FYB2: variants seen among roughly 807,000 people sequenced by gnomAD.
FYB2 encodes FYN binding protein 2, also known as FYN-binding protein 2.
In FYB2, 103 loss-of-function variants were observed where a neutral mutation model predicts 94.1. The ratio of observed to expected loss-of-function variants is 1.09; its 90% CI spans 0.93 to 1.29. FYB2 has a LOEUF of 1.29. Among genes scored for constraint, FYB2 ranks in the 50% most tolerant of loss-of-function variants. The pLI, the probability that FYB2 is intolerant of heterozygous loss-of-function variation, is 0.00. For synonymous variants in FYB2, 293 were observed against 287.9 expected, an observed-to-expected ratio of 1.02 and a Z score of -0.18; for missense variants, 896 against 841.5, an observed-to-expected ratio of 1.06 and a Z score of -0.80.
intron 8 of FYB2, among the ~76,000 whole-genome samples, chr1:56,752,098 G>C (rs1339601047): frequency 6.6e-6 from 1 of 152,032 alleles, no homozygotes; most frequent in Non-Finnish European, 1.5e-5. Context: ...GTAGCAAGGA[G>C]GCTGCTGATA....
At position 56,767,885 on chromosome 1, in the gene FYB2, T is replaced by C. The variant is rs573252882; in HGVS notation, c.1007A>G (p.Tyr336Cys). Reference protein sequence around the residue: ...EPHNYEATISYLRHSGNSINL... With the variant: ...EPHNYEATISCLRHSGNSINL... ...AATGGAGTTGCCAGAGTGTCTCAGA[T>C]ATGAAATTGTTGCCTCGTAATTATG... Residue 336 changes from tyrosine to cysteine, a missense_variant, in exon 5 of 20, where the codon TAT (tyrosine) becomes TGT (cysteine). Transcript: ENST00000343433. 2 of 1,612,444 alleles carry C rather than the reference T, an allele frequency of 1.2e-6. No individual in the cohort carries two copies. The highest frequency in any genetic ancestry group is 1.7e-5 in the Admixed American group (1 of 59,510).
At chr1:56,753,958 G>GA (rs11404547) in intron 7 of FYB2, 23 bp from the exon 8 acceptor site, 984,595 of 1,416,226 alleles carry the variant, frequency 0.7, 349,629 homozygotes, top group African/African-American at 0.94. Flanking sequence ...GAGATACCAG[G>GA]AAAAAAATGA....
At chr1:56,818,479 C>T (rs1245650365) in intron 1 of FYB2, among the ~76,000 whole-genome samples, 1 of 150,820 alleles carries the variant, frequency 6.6e-6, no homozygotes, top group Non-Finnish European at 1.5e-5. Context: ...CACACACACA[C>T]ACACACACAC....
intron 15 of FYB2, among the ~76,000 whole-genome samples, chr1:56,728,177 AT>A (rs1281890206): frequency 1.3e-5 from 2 of 152,046 alleles, no homozygotes; most frequent in African/African-American, 4.8e-5. Context: ...AGTGTTTTCC[AT>A]TTACAGTTGT....
At chr1:56,800,213 C>T (rs994021264) in intron 1 of FYB2, among the ~76,000 whole-genome samples, 8 of 152,150 alleles carry the variant, frequency 5.3e-5, no homozygotes, top group Admixed American at 1.3e-4. Context: ...GCAGTAGTAA[C>T]TGTCAAATCC....
At chr1:56,732,927 A>G (rs550735936) in intron 15 of FYB2, among the ~76,000 whole-genome samples, 5 of 152,180 alleles carry the variant, frequency 3.3e-5, no homozygotes, top group Admixed American at 1.3e-4. Flanking sequence ...GTCTAGGAAA[A>G]GGTTTTATGA....
chr1:56,721,173 A>G (rs1419641520), intron 17 of FYB2, among the ~76,000 whole-genome samples: 1 of 152,076 alleles, frequency 6.6e-6, no homozygotes, highest in Non-Finnish European at 1.5e-5. Context: ...AAACTGACCT[A>G]TACATCTGCA....
rs77435341 is a variant in FYB2 at position 56,817,891 on chromosome 1, G to T, written c.9+1391C>A. 8.9e-4 allele frequency among the ~76,000 whole-genome samples: 135 copies of T among 152,224 alleles called. 2 individuals carry two copies. In the East Asian group the frequency reaches 0.013, roughly 14 times the overall value. On this transcript the variant is annotated intron_variant, in intron 1 of 19. Transcript: ENST00000343433. Reference sequence around the variant, plus strand: ...GCTAGCGATGCTTGGCTTATAGTTGGCACTGACACATGTAAGCTCATGTCC... The same window carrying T: ...GCTAGCGATGCTTGGCTTATAGTTGTCACTGACACATGTAAGCTCATGTCC...
chr1:56,751,705 A>T (rs933901843), intron 8 of FYB2, among the ~76,000 whole-genome samples: 3 of 151,730 alleles, frequency 2.0e-5, no homozygotes, highest in African/African-American at 7.3e-5. Flanking sequence ...GTTCCTTCTC[A>T]CTTCTTTCTT....
At chr1:56,773,903 T>A (rs1335716459) in intron 4 of FYB2, among the ~76,000 whole-genome samples, 1 of 152,150 alleles carries the variant, frequency 6.6e-6, no homozygotes. Context: ...ATCTGATTTC[T>A]CAATTGTCCA....
At chr1:56,775,348 T>C (rs1367557397) in intron 4 of FYB2, among the ~76,000 whole-genome samples, 1 of 152,116 alleles carries the variant, frequency 6.6e-6, no homozygotes. Context: ...AAGTAAATGT[T>C]ATTAAAGTGC....
intron 4 of FYB2, among the ~76,000 whole-genome samples, chr1:56,782,900 T>C (rs918281243): frequency 6.6e-6 from 1 of 152,134 alleles, no homozygotes. Context: ...TATTTATAGC[T>C]AATGAATAAA....
chr1:56,764,326 G>T (rs535327705), intron 5 of FYB2, among the ~76,000 whole-genome samples: 1 of 152,014 alleles, frequency 6.6e-6, no homozygotes, highest in Non-Finnish European at 1.5e-5. Context: ...AGTCATGCAC[G>T]CCTTCTCTTC....
intron 1 of FYB2, among the ~76,000 whole-genome samples, chr1:56,803,374 G>C (rs1307542199): frequency 3.9e-5 from 6 of 152,150 alleles, no homozygotes. Flanking sequence ...TGGGTAACGA[G>C]ATCATGAACT....
chr1:56,757,689 T>TC (rs1557616891), intron 6 of FYB2, among the ~76,000 whole-genome samples: 1,755 of 55,780 alleles, frequency 0.031, 21 homozygotes, highest in African/African-American at 0.072. Flanking sequence ...CTTCCTTCCT[T>TC]CTTTCTTTCT....
chr1:56,785,113 C>A (rs971469973), intron 4 of FYB2, among the ~76,000 whole-genome samples: 1 of 152,184 alleles, frequency 6.6e-6, no homozygotes, highest in African/African-American at 2.4e-5. Context: ...CCCTGTAAAT[C>A]CCTTAGGAAG....
At chr1:56,726,753 C>T (rs1644592541) in intron 15 of FYB2, among the ~76,000 whole-genome samples, 170 bp from the exon 16 acceptor site, 1 of 152,016 alleles carries the variant, frequency 6.6e-6, no homozygotes, top group South Asian at 2.1e-4. Context: ...GCTTTGCAGG[C>T]CATATTATCT....
At chr1:56,741,047 G>A (rs969620446) in intron 12 of FYB2, among the ~76,000 whole-genome samples, 1 of 151,964 alleles carries the variant, frequency 6.6e-6, no homozygotes, top group African/African-American at 2.4e-5. Context: ...GGGTAGACTA[G>A]AAGCCCATAC....
At chr1:56,817,163 G>A (rs1227561622) in intron 1 of FYB2, among the ~76,000 whole-genome samples, 1 of 152,170 alleles carries the variant, frequency 6.6e-6, no homozygotes, top group Non-Finnish European at 1.5e-5. Context: ...AAATGCTTGA[G>A]TTTCAACAAT....
Sources: gnomAD v4.1 joint callset for allele counts (sites outside exome capture counted in the v4.1 genomes callset) on GRCh38, gnomAD v4.1.1 for gene constraint, MANE v1.5 for transcripts, NCBI Gene and HGNC (gene_info 2026-07-23, HGNC 2026-07-21) for gene names.